Variants in GABRG3 observed in about 807,000 individuals in gnomAD.
GABRG3 encodes the protein gamma-aminobutyric acid receptor subunit gamma-3.
A neutral mutation model predicts 48.8 loss-of-function variants in GABRG3; 25 were observed. The ratio of observed to expected loss-of-function variants is 0.51; its 90% confidence interval spans 0.37 to 0.72. The LOEUF (loss-of-function observed/expected upper bound fraction) is 0.72. Ranked by LOEUF, GABRG3 falls within the 30% of genes least tolerant of loss-of-function variation. GABRG3 has a pLI of 0.00. For synonymous variants in GABRG3, 227 were observed against 217.6 expected (o/e 1.04, Z -0.38); for missense variants, 394 against 577.9 (o/e 0.68, Z 3.26).
intron 3 of GABRG3, among the ~76,000 whole-genome samples, chr15:27,289,472 A>G (rs1445764660): frequency 6.6e-6 from 1 of 152,156 alleles, no homozygotes; most frequent in Non-Finnish European, 1.5e-5. Flanking sequence ...AATCTTAACT[A>G]TTTACAAATG....
At chr15:27,328,675 C>A in intron 4 of GABRG3, 131 bp from the exon 5 acceptor site, 1 of 678,094 alleles carries the variant, frequency 1.5e-6, no homozygotes, top group Non-Finnish European at 2.7e-6. Flanking sequence ...GTTCCCGGGC[C>A]AAGAGTGAGC....
rs1430719161 is a variant in GABRG3, at chr15:27,419,641, G to A, written c.575-61009G>A. Among the ~76,000 whole-genome samples the A allele has an allele frequency of 3.3e-5, 5 of 152,140 alleles. No individual in the cohort carries two copies. The East Asian group carries it at 9.6e-4, about 29-fold the overall frequency. ...TAGCCAAATCATGAACACCACATGG[G>A]CAGCTTTGTCCACTTAAACATAAAG... On this transcript the variant is annotated intron_variant, in intron 5 of 9. Transcript: ENST00000615808.
rs1426053414 is a variant in GABRG3, at chr15:27,003,896, CA to C, written c.203-22857del. Among the ~76,000 whole-genome samples the C allele has an allele frequency of 1.2e-4, 17 of 143,830 alleles. No individual in the cohort carries two copies. The East Asian group carries it at 3.3e-3, about 28-fold the overall frequency. The allele number at this position is 143,830 out of a possible 152,430, so 94.4% of individuals were successfully genotyped here. A position where few individuals can be genotyped will look rare whatever the true frequency, so the allele number is the denominator to read the frequency against. On this transcript the variant is annotated intron_variant, in intron 2 of 9. Coordinates refer to ENST00000615808, the MANE Select transcript of GABRG3 (RefSeq NM_033223.5). Reference sequence around the variant, plus strand: ...CTCCCAGACGGGGCGGCTGGCCGGGCAGAGGGGCTCCTCACTTCCCAGTAGG... The same window carrying C: ...CTCCCAGACGGGGCGGCTGGCCGGGCGAGGGGCTCCTCACTTCCCAGTAGG...
chr15:26,981,059 A>G (rs1817839611), intron 2 of GABRG3, among the ~76,000 whole-genome samples: 1 of 152,194 alleles, frequency 6.6e-6, no homozygotes, highest in African/African-American at 2.4e-5. Context: ...CTGCACATGT[A>G]CCCCTGAAGT....
At chr15:27,244,253 A>G (rs1890210949) in intron 3 of GABRG3, among the ~76,000 whole-genome samples, 1 of 152,170 alleles carries the variant, frequency 6.6e-6, no homozygotes, top group Admixed American at 6.5e-5. Context: ...GAAATATGTT[A>G]ACAGGTCTAT....
chr15:27,213,727 A>G (rs989717923), intron 3 of GABRG3, among the ~76,000 whole-genome samples: 1 of 152,210 alleles, frequency 6.6e-6, no homozygotes, highest in Non-Finnish European at 1.5e-5. Context: ...ATGAAGTTAT[A>G]TTTCCAAAGC....
At chr15:27,396,973 G>T (rs1049347783) in intron 5 of GABRG3, among the ~76,000 whole-genome samples, 7 of 152,170 alleles carry the variant, frequency 4.6e-5, no homozygotes, top group Non-Finnish European at 8.8e-5. Context: ...TCAATGAAGA[G>T]GTAGCATGGG....
chr15:27,143,794 G>A (rs934571935), intron 3 of GABRG3, among the ~76,000 whole-genome samples: 1 of 152,098 alleles, frequency 6.6e-6, no homozygotes, highest in African/African-American at 2.4e-5. Flanking sequence ...ACCAGCATTG[G>A]GTTCTTTTAA....
At chr15:27,355,760 C>T (rs1270637438) in intron 5 of GABRG3, among the ~76,000 whole-genome samples, 3 of 152,132 alleles carry the variant, frequency 2.0e-5, no homozygotes, top group African/African-American at 7.2e-5. Flanking sequence ...AGAATGTGGT[C>T]TGGACATACA....
chr15:27,051,349 G>A (rs894451564), intron 3 of GABRG3, among the ~76,000 whole-genome samples: 1 of 152,160 alleles, frequency 6.6e-6, no homozygotes, highest in Non-Finnish European at 1.5e-5. Context: ...CCATCCAGAA[G>A]ATAAACTATA....
chr15:27,162,950 C>T (rs988007222), intron 3 of GABRG3, among the ~76,000 whole-genome samples: 6 of 152,002 alleles, frequency 3.9e-5, no homozygotes, highest in Non-Finnish European at 7.4e-5. Context: ...CACGTGATCA[C>T]GTGGAGGTTA....
chr15:27,293,512 A>C (rs975800035), intron 3 of GABRG3, among the ~76,000 whole-genome samples: 2 of 108,114 alleles, frequency 1.8e-5, no homozygotes, highest in Non-Finnish European at 5.3e-5. Context: ...CTGTCTACTA[A>C]AAATACAAAA....
At chr15:27,528,815 A>G (rs1379173114) in intron 9 of GABRG3, among the ~76,000 whole-genome samples, 1 of 152,098 alleles carries the variant, frequency 6.6e-6, no homozygotes, top group Non-Finnish European at 1.5e-5. Context: ...ACAGTGGTGT[A>G]TATGTTACAT....
chr15:27,216,139 C>A (rs996911193), intron 3 of GABRG3, among the ~76,000 whole-genome samples: 10 of 152,178 alleles, frequency 6.6e-5, no homozygotes, highest in Admixed American at 1.3e-4. Context: ...AGTAGCCGTC[C>A]TGTAGATGGC....
At chr15:27,268,693 C>A (rs1890993293) in intron 3 of GABRG3, among the ~76,000 whole-genome samples, 4 of 152,154 alleles carry the variant, frequency 2.6e-5, no homozygotes, top group Admixed American at 2.6e-4. Context: ...TAGATACATT[C>A]TGCATGTTTT....
intron 5 of GABRG3, among the ~76,000 whole-genome samples, chr15:27,373,922 A>G (rs1348165398): frequency 6.6e-6 from 1 of 152,110 alleles, no homozygotes; most frequent in Non-Finnish European, 1.5e-5. Context: ...ATCTCCATGT[A>G]ATATTAATCT....
chr15:27,481,236 ATGAT>A (rs1180698074), intron 6 of GABRG3: 1 of 979,260 alleles, frequency 1.0e-6, no homozygotes, highest in Non-Finnish European at 1.2e-6. Flanking sequence ...TTCTTTTTCA[ATGAT>A]TGAAAGTAAT....
intron 5 of GABRG3, among the ~76,000 whole-genome samples, chr15:27,373,310 C>T (rs1895475461): frequency 6.6e-6 from 1 of 152,044 alleles, no homozygotes; most frequent in Non-Finnish European, 1.5e-5. Context: ...AAATAAGGAA[C>T]TCAGTAAAAT....
chr15:27,284,176 A>G (rs1448424507), intron 3 of GABRG3, among the ~76,000 whole-genome samples: 2 of 152,214 alleles, frequency 1.3e-5, no homozygotes, highest in Non-Finnish European at 2.9e-5. Context: ...GATAAAATAA[A>G]TGACAAACTA....
Sources: allele counts gnomAD v4.1 joint callset (sites outside exome capture counted in the v4.1 genomes callset), GRCh38; gene constraint gnomAD v4.1.1; transcripts MANE v1.5; gene names NCBI Gene and HGNC (gene_info 2026-07-23, HGNC 2026-07-21).